Variants in SKAP1 observed in about 807,000 individuals in gnomAD.
SKAP1 encodes the protein src kinase associated phosphoprotein 1.
Under a neutral mutation model 58.5 loss-of-function variants are expected in SKAP1, and 44 were observed. The ratio of observed to expected loss-of-function variants is 0.75; its 90% confidence interval spans 0.59 to 0.97. The LOEUF is 0.97. Among genes scored for constraint, SKAP1 ranks in the 50% least tolerant of loss-of-function variants. The pLI is 0.00. For synonymous variants in SKAP1, 127 were observed against 149.7 expected (o/e 0.85, Z 1.11); for missense variants, 390 against 435.2 (o/e 0.90, Z 0.92).
intron 4 of SKAP1, among the ~76,000 whole-genome samples, chr17:48,291,522 T>G (rs972864757): frequency 6.6e-6 from 1 of 152,208 alleles, no homozygotes; most frequent in Non-Finnish European, 1.5e-5. Flanking sequence ...TAACGCAGAT[T>G]CCAATGATAA....
intron 4 of SKAP1, among the ~76,000 whole-genome samples, chr17:48,209,280 T>G (rs776735375): frequency 6.6e-6 from 1 of 152,214 alleles, no homozygotes. Flanking sequence ...ATGTGGGGCT[T>G]TAAAATTTTT....
intron 4 of SKAP1, among the ~76,000 whole-genome samples, chr17:48,200,286 G>A (rs1047551708): frequency 6.6e-6 from 1 of 151,864 alleles, no homozygotes; most frequent in African/African-American, 2.4e-5. Flanking sequence ...GACAGAAGGA[G>A]ACTCTGTTTC....
intron 11 of SKAP1, among the ~76,000 whole-genome samples, chr17:48,145,684 A>C (rs1214570136): frequency 1.3e-5 from 2 of 152,150 alleles, no homozygotes; most frequent in Non-Finnish European, 2.9e-5. Context: ...GCCTATCATA[A>C]GGCTTAAAAG....
At chr17:48,135,734 G>C (rs2063689462) in intron 12 of SKAP1, among the ~76,000 whole-genome samples, 2 of 152,100 alleles carry the variant, frequency 1.3e-5, no homozygotes, top group Admixed American at 1.3e-4. Context: ...GCCTCCTGAA[G>C]TGTTGGGATT....
chr17:48,406,556 TC>T (rs1045248035), intron 1 of SKAP1, among the ~76,000 whole-genome samples: 2 of 147,138 alleles, frequency 1.4e-5, no homozygotes, highest in African/African-American at 2.5e-5. Flanking sequence ...GGCTCATGTC[TC>T]CCTAATTTAT....
intron 1 of SKAP1, among the ~76,000 whole-genome samples, chr17:48,414,478 T>G (rs1216070154): frequency 6.6e-6 from 1 of 152,132 alleles, no homozygotes; most frequent in Non-Finnish European, 1.5e-5. Context: ...AAGATTAATA[T>G]GGAGGGCAAG....
rs541710785 is a variant in SKAP1, at chr17:48,356,820, A to G, written c.178+6969T>C. On this transcript the variant is annotated intron_variant, in intron 3 of 12. Coordinates refer to ENST00000336915, the MANE Select transcript of SKAP1 (RefSeq NM_003726.4). Reference sequence around the variant, plus strand: ...ATCAGTATCCCCCTCAACAGTGATTACCACTGTTAATAGATACATATGTAT... The same window carrying G: ...ATCAGTATCCCCCTCAACAGTGATTGCCACTGTTAATAGATACATATGTAT... Among the ~76,000 whole-genome samples, 283 of 152,302 alleles carry G rather than the reference A, an allele frequency of 1.9e-3. 1 individual carries two copies. Among genetic ancestry groups the G allele is most frequent in the African/African-American group, 6.7e-3 (277 of 41,572 alleles).
intron 4 of SKAP1, among the ~76,000 whole-genome samples, chr17:48,219,272 A>C (rs1408822053): frequency 6.6e-6 from 1 of 152,244 alleles, no homozygotes; most frequent in Non-Finnish European, 1.5e-5. Flanking sequence ...TGATTTTAAA[A>C]GTCAGTTGTA....
At chr17:48,292,580 A>C (rs1402467211) in intron 4 of SKAP1, among the ~76,000 whole-genome samples, 2 of 152,226 alleles carry the variant, frequency 1.3e-5, no homozygotes, top group Admixed American at 6.5e-5. Context: ...TTACAAGATT[A>C]TTAAATAATT....
chr17:48,444,334 G>A, the SKAP1 span, among the ~76,000 whole-genome samples: 1 of 152,198 alleles, frequency 6.6e-6, no homozygotes, highest in Non-Finnish European at 1.5e-5. Context: ...AGGTTGCAAT[G>A]AGCCCAGATC....
intron 3 of SKAP1, among the ~76,000 whole-genome samples, chr17:48,363,453 A>C (rs1440197658): frequency 6.6e-6 from 1 of 152,212 alleles, no homozygotes; most frequent in Non-Finnish European, 1.5e-5. Flanking sequence ...GAACCCTCCC[A>C]AGGTTTTTAT....
chr17:48,359,787 G>A (rs1372319898), intron 3 of SKAP1, among the ~76,000 whole-genome samples: 1 of 151,384 alleles, frequency 6.6e-6, no homozygotes, highest in Non-Finnish European at 1.5e-5. Flanking sequence ...TGTTTTTTTT[G>A]TAGACACAGG....
intron 1 of SKAP1, among the ~76,000 whole-genome samples, chr17:48,419,110 A>G (rs1049628368): frequency 6.6e-6 from 1 of 152,058 alleles, no homozygotes; most frequent in African/African-American, 2.4e-5. Context: ...AGAGGAAGAA[A>G]AGAAGAGAGA....
intron 4 of SKAP1, among the ~76,000 whole-genome samples, chr17:48,237,919 A>ATTT (rs34392180): frequency 6.9e-6 from 1 of 145,556 alleles, no homozygotes; most frequent in Non-Finnish European, 1.5e-5. Flanking sequence ...TTTGGTTCAG[A>ATTT]TTTTTTTTTT....
At chr17:48,233,827 G>A (rs1005930625) in intron 4 of SKAP1, among the ~76,000 whole-genome samples, 2 of 152,106 alleles carry the variant, frequency 1.3e-5, no homozygotes, top group South Asian at 4.1e-4. Flanking sequence ...TTGTACTCCA[G>A]CCTGGGTGAC....
chr17:48,189,283 C>T (rs1277568957), intron 5 of SKAP1, 140 bp downstream of exon 5: 1 of 649,034 alleles, frequency 1.5e-6, no homozygotes, highest in East Asian at 2.7e-5. Flanking sequence ...AGACTCCTTT[C>T]CTTTCCTTGC....
intron 4 of SKAP1, among the ~76,000 whole-genome samples, chr17:48,198,703 TC>T (rs1282224414): frequency 5.9e-5 from 9 of 152,190 alleles, no homozygotes; most frequent in African/African-American, 1.7e-4. Flanking sequence ...CCATGAGTGT[TC>T]TGTGGTGGTG....
intron 2 of SKAP1, among the ~76,000 whole-genome samples, chr17:48,372,286 T>C (rs768721721): frequency 2.0e-5 from 3 of 151,488 alleles, no homozygotes; most frequent in Non-Finnish European, 4.4e-5. Context: ...GCTAGGTATA[T>C]GTTTTACATG....
intron 11 of SKAP1, among the ~76,000 whole-genome samples, chr17:48,145,787 G>GAGT (rs1174058604): frequency 6.6e-6 from 1 of 152,112 alleles, no homozygotes; most frequent in South Asian, 2.1e-4. Context: ...GGCTCCCCTG[G>GAGT]AGTAGCACAG....
Sources: gnomAD v4.1 joint callset for allele counts (sites outside exome capture counted in the v4.1 genomes callset) on GRCh38, gnomAD v4.1.1 for gene constraint, MANE v1.5 for transcripts, NCBI Gene and HGNC (gene_info 2026-07-23, HGNC 2026-07-21) for gene names.